FAM135A: variants seen among roughly 807,000 people sequenced by gnomAD.
FAM135A encodes the protein protein FAM135A.
In FAM135A, 79 loss-of-function variants were observed where a neutral mutation model predicts 146.8. The observed-to-expected ratio is 0.54, with a 90% confidence interval of 0.45 to 0.65. FAM135A has a LOEUF of 0.65. Ranked by LOEUF, FAM135A falls within the 30% of genes least tolerant of loss-of-function variation. FAM135A has a pLI of 0.00. For synonymous variants in FAM135A, 562 were observed against 603.6 expected (o/e 0.93, Z 1.01); for missense variants, 1,623 against 1,758.2 (o/e 0.92, Z 1.38).
intron 4 of FAM135A, among the ~76,000 whole-genome samples, chr6:70,442,478 T>G (rs899932355): frequency 6.6e-6 from 1 of 152,160 alleles, no homozygotes; most frequent in African/African-American, 2.4e-5. Flanking sequence ...AGATAGATCT[T>G]GTTTTGATCC....
chr6:70,517,943 A>G (rs1317258406), intron 12 of FAM135A, among the ~76,000 whole-genome samples: 1 of 152,140 alleles, frequency 6.6e-6, no homozygotes, highest in Non-Finnish European at 1.5e-5. Context: ...TATTTAAATT[A>G]GGCCAGTTAA....
intron 2 of FAM135A, chr6:70,417,518 C>CG: frequency 1.3e-6 from 1 of 785,762 alleles, no homozygotes; most frequent in Non-Finnish European, 1.5e-6. Flanking sequence ...TGGCTGTAGT[C>CG]TGGGACATTT....
At chr6:70,534,219 G>T (rs937176817) in intron 18 of FAM135A, among the ~76,000 whole-genome samples, 2 of 148,962 alleles carry the variant, frequency 1.3e-5, no homozygotes, top group Non-Finnish European at 3.0e-5. Flanking sequence ...TTAAGTGGAA[G>T]AAGTATAGGC....
intron 11 of FAM135A, among the ~76,000 whole-genome samples, chr6:70,496,669 G>C (rs1052078842): frequency 2.6e-5 from 4 of 152,060 alleles, no homozygotes; most frequent in African/African-American, 9.7e-5. Context: ...TCCATCCTGA[G>C]TTAATTTTGT....
chr6:70,425,153 T>C (rs9455097), intron 2 of FAM135A, among the ~76,000 whole-genome samples: 30,228 of 150,492 alleles, frequency 0.2, 3,318 homozygotes, highest in African/African-American at 0.29. Flanking sequence ...TATACCTCTT[T>C]CTGATGGCTA....
At position 70,511,205 on chromosome 6, in the gene FAM135A, A is replaced by G. The variant is rs1025487946; in HGVS notation, c.1029+8414A>G. Among the ~76,000 whole-genome samples, 8 of 151,878 alleles carry G rather than the reference A, an allele frequency of 5.3e-5. No individual in the cohort carries two copies. The South Asian group carries it at 8.3e-4, about 16-fold the overall frequency. ...GCCCTTATCTGATACATAATTTGCA[A>G]ATGTTTTCTTCTATTCTATGAGTTG... On this transcript the variant is annotated intron_variant, in intron 12 of 21. Coordinates refer to ENST00000418814, the MANE Select transcript of FAM135A (RefSeq NM_001162529.3).
At chr6:70,546,036 G>T (rs890445767) in intron 20 of FAM135A, among the ~76,000 whole-genome samples, 1 of 151,896 alleles carries the variant, frequency 6.6e-6, no homozygotes, top group Non-Finnish European at 1.5e-5. Context: ...TTCATGTGGG[G>T]TGTTGGGTTT....
At chr6:70,545,506 T>A (rs1798692686) in intron 20 of FAM135A, among the ~76,000 whole-genome samples, 1 of 151,896 alleles carries the variant, frequency 6.6e-6, no homozygotes, top group African/African-American at 2.4e-5. Flanking sequence ...TCCCAGCTAC[T>A]CAGAAGGCTG....
At chr6:70,493,426 A>C (rs1393865650) in intron 11 of FAM135A, among the ~76,000 whole-genome samples, 3 of 152,190 alleles carry the variant, frequency 2.0e-5, no homozygotes, top group Non-Finnish European at 1.5e-5. Flanking sequence ...ATATGTATCC[A>C]TGTATTGCTA....
intron 4 of FAM135A, among the ~76,000 whole-genome samples, chr6:70,439,685 T>C (rs1455383793): frequency 6.6e-6 from 1 of 152,226 alleles, no homozygotes; most frequent in Non-Finnish European, 1.5e-5. Flanking sequence ...TCCTATACTC[T>C]TTTGTTTCAT....
At chr6:70,474,137 C>T (rs1300311293) in intron 5 of FAM135A, among the ~76,000 whole-genome samples, 4 of 152,198 alleles carry the variant, frequency 2.6e-5, no homozygotes, top group Non-Finnish European at 5.9e-5. Flanking sequence ...GGACCCTGTG[C>T]TCCCTGGCCT....
chr6:70,475,638 A>G (rs1373101310), intron 6 of FAM135A, 25 bp from the exon 7 acceptor site: 2 of 1,598,428 alleles, frequency 1.3e-6, no homozygotes, highest in Admixed American at 3.5e-5. Context: ...TTCAAAAAGT[A>G]TCTCATAGTG....
In FAM135A at chr6:70,502,641, A is replaced by T; in HGVS notation, c.879A>T (p.Ile293=). Residue 293 remains isoleucine (I), a synonymous_variant, in exon 12 of 22, where the codon ATA becomes ATT. Coordinates refer to ENST00000418814, the MANE Select transcript of FAM135A (RefSeq NM_001162529.3). ...LTELCEEVKK[I]ENPDELAELI... is the part of the protein sequence containing the mutation. ...TTTTTTTCTTTTCATTTCAGAAAAT[A>T]GAGAATCCTGATGAACTGGCAGAAC... is the stretch of plus-strand genomic sequence containing the variant. 1 of 1,606,832 alleles carries T rather than the reference A, an allele frequency of 6.2e-7. No individual in the cohort carries two copies. The highest frequency in any genetic ancestry group is 8.5e-7 in the Non-Finnish European group (1 of 1,177,702).
In FAM135A at chr6:70,532,863, C is replaced by T. The variant is rs565371648; in HGVS notation, c.3776-297C>T. 7.3e-5 allele frequency among the ~76,000 whole-genome samples: 11 copies of T among 151,606 alleles called. No homozygotes were observed. In the South Asian group the frequency reaches 8.4e-4, roughly 12 times the overall value. Reference sequence around the variant, plus strand: ...AGGAGAATCGCTCGAACCCAGGAGGCGGAGGTTGCAGTGAGTCGAGATCAT... The same window carrying T: ...AGGAGAATCGCTCGAACCCAGGAGGTGGAGGTTGCAGTGAGTCGAGATCAT... On this transcript the variant is annotated intron_variant, in intron 16 of 21. Transcript: ENST00000418814.
rs983551945 is a variant in FAM135A, at chr6:70,484,303, T to C, written c.823+2149T>C. Among the ~76,000 whole-genome samples, 32 of 152,156 alleles carry C rather than the reference T, an allele frequency of 2.1e-4. 1 individual carries two copies. The highest frequency in any genetic ancestry group is 2.4e-5 in the African/African-American group (1 of 41,436). ...ATAAATTACCTGTATAAGGAAGATA[T>C]CCATCTGCATGTAATATTAAAGTAG... is the stretch of plus-strand genomic sequence containing the variant. On this transcript the variant is annotated intron_variant, in intron 10 of 21. Coordinates refer to ENST00000418814, the MANE Select transcript of FAM135A (RefSeq NM_001162529.3).
At chr6:70,543,208 T>C (rs1798250156) in intron 20 of FAM135A, among the ~76,000 whole-genome samples, 1 of 152,224 alleles carries the variant, frequency 6.6e-6, no homozygotes, top group African/African-American at 2.4e-5. Flanking sequence ...CGACTGGTAG[T>C]TCCAAGTCTG....
intron 4 of FAM135A, 39 bp downstream of exon 4, chr6:70,428,458 G>C: frequency 7.2e-7 from 1 of 1,394,096 alleles, no homozygotes; most frequent in East Asian, 2.4e-5. Flanking sequence ...TTTTGCATAA[G>C]ATGTACAGTT....
At chr6:70,430,887 T>TG (rs746306211) in intron 4 of FAM135A, among the ~76,000 whole-genome samples, 1 of 152,204 alleles carries the variant, frequency 6.6e-6, no homozygotes, top group Non-Finnish European at 1.5e-5. Context: ...ATCTCTATCT[T>TG]GCAGAACCTT....
intron 20 of FAM135A, among the ~76,000 whole-genome samples, chr6:70,539,019 A>G (rs1251701564): frequency 1.3e-5 from 2 of 151,894 alleles, no homozygotes; most frequent in Non-Finnish European, 2.9e-5. Context: ...TTTACAACCT[A>G]AAGTTCCCAA....
Sources: gnomAD v4.1 joint callset for allele counts (sites outside exome capture counted in the v4.1 genomes callset) on GRCh38, gnomAD v4.1.1 for gene constraint, MANE v1.5 for transcripts, NCBI Gene and HGNC (gene_info 2026-07-23, HGNC 2026-07-21) for gene names.